The following RALGAPA1 variants were observed in gnomAD, a reference collection of about 807,000 sequenced individuals.
The protein encoded by RALGAPA1 is Ral GTPase activating protein catalytic subunit alpha 1, also known as ral GTPase-activating protein subunit alpha-1.
RALGAPA1 carries 52 observed loss-of-function variants against 269.6 expected under a neutral mutation model. That is an observed-to-expected ratio of 0.19 (90% CI 0.15 to 0.24). The LOEUF (loss-of-function observed/expected upper bound fraction) is 0.24, where lower values mean the gene tolerates loss of function less well. Ranked by LOEUF, RALGAPA1 falls within the 10% of genes least tolerant of loss-of-function variation. The pLI is 1.00. For synonymous variants in RALGAPA1, 817 were observed against 1,008.3 expected (o/e 0.81, Z 3.60); for missense variants, 1,917 against 3,013.9 (o/e 0.64, Z 8.52).
chr14:35,741,361 A>G (rs368026666), intron 11 of RALGAPA1, among the ~76,000 whole-genome samples: 2 of 152,104 alleles, frequency 1.3e-5, no homozygotes, highest in African/African-American at 4.8e-5. Flanking sequence ...TTCATAATTC[A>G]TATGGTTAAT....
In RALGAPA1 at chr14:35,672,945, T is replaced by C. The variant is rs757640948; in HGVS notation, c.4995A>G (p.Arg1665=). The C allele has an allele frequency of 6.3e-7, 1 of 1,575,152 alleles. No homozygotes were observed. The highest frequency in any genetic ancestry group is 2.3e-5 in the East Asian group (1 of 43,600). The change falls in exon 25 of 42, where the codon AGA becomes AGG. Residue 1665 remains arginine, a synonymous_variant. Coordinates refer to ENST00000680220, the MANE Select transcript of RALGAPA1 (RefSeq NM_001346249.2). ...YKLICNTMKR[R]QDVSPNRDFL... is the part of the protein sequence containing the mutation. ...AATCTCTATTTGGAGAAACATCTTGTCTTCTTTTCATTGTATTACAAATAA... is the reference window on the plus strand; with the variant it reads ...AATCTCTATTTGGAGAAACATCTTGCCTTCTTTTCATTGTATTACAAATAA...
intron 1 of RALGAPA1, among the ~76,000 whole-genome samples, chr14:35,801,244 GACACACACACACACACACACACACACAC>G (rs201700521): frequency 7.4e-6 from 1 of 135,016 alleles, no homozygotes; most frequent in Non-Finnish European, 1.7e-5. Context: ...TATATACACA[GACACACACACACACACACACACACACAC>G]ACACACACAC....
At chr14:35,697,534 G>C (rs2066999021) in intron 17 of RALGAPA1, among the ~76,000 whole-genome samples, 1 of 151,932 alleles carries the variant, frequency 6.6e-6, no homozygotes, top group African/African-American at 2.4e-5. Context: ...TTTTAGTAGA[G>C]ATGGGGTTTC....
intron 19 of RALGAPA1, 138 bp downstream of exon 19, chr14:35,686,404 T>C (rs1425751350): frequency 1.6e-6 from 1 of 614,796 alleles, no homozygotes; most frequent in Non-Finnish European, 2.5e-6. Context: ...TCTTAATTCA[T>C]AAAAAGGGTT....
intron 33 of RALGAPA1, among the ~76,000 whole-genome samples, chr14:35,631,194 G>A (rs1011852689): frequency 6.6e-6 from 1 of 152,082 alleles, no homozygotes; most frequent in East Asian, 1.9e-4. Context: ...AAATGGGTTC[G>A]CAAAGTTAAG....
intron 4 of RALGAPA1, among the ~76,000 whole-genome samples, chr14:35,769,080 T>G (rs547406387): frequency 1.1e-5 from 1 of 87,022 alleles, no homozygotes; most frequent in African/African-American, 4.4e-5. Flanking sequence ...ACACATAAAA[T>G]ATCAAAGACT....
chr14:35,555,835 C>A (rs1355046600), intron 39 of RALGAPA1, among the ~76,000 whole-genome samples: 1 of 152,128 alleles, frequency 6.6e-6, no homozygotes, highest in Non-Finnish European at 1.5e-5. Context: ...TCTCTACATC[C>A]AATCTCAATG....
intron 37 of RALGAPA1, among the ~76,000 whole-genome samples, chr14:35,590,850 C>T (rs1447245900): frequency 6.6e-6 from 1 of 152,104 alleles, no homozygotes; most frequent in African/African-American, 2.4e-5. Flanking sequence ...TATCAGGCAA[C>T]AGAGTATCAA....
At chr14:35,797,926 G>A (rs79147586) in intron 1 of RALGAPA1, among the ~76,000 whole-genome samples, 1 of 151,140 alleles carries the variant, frequency 6.6e-6, no homozygotes, top group African/African-American at 2.4e-5. Flanking sequence ...AGGCTAGAGT[G>A]CACTGACATG....
intron 17 of RALGAPA1, among the ~76,000 whole-genome samples, chr14:35,696,532 G>C (rs2066916029): frequency 6.6e-6 from 1 of 151,626 alleles, no homozygotes; most frequent in African/African-American, 2.4e-5. Flanking sequence ...GAACACTGGA[G>C]GAGGAAAAAT....
intron 39 of RALGAPA1, among the ~76,000 whole-genome samples, chr14:35,561,175 C>A (rs1037632251): frequency 7.9e-6 from 1 of 126,746 alleles, no homozygotes; most frequent in Non-Finnish European, 1.6e-5. Flanking sequence ...TGCAGTGAGC[C>A]GAGATGGCGC....
intron 39 of RALGAPA1, among the ~76,000 whole-genome samples, chr14:35,550,138 CTGT>C (rs1236773553): frequency 3.3e-5 from 5 of 152,316 alleles, no homozygotes; most frequent in Non-Finnish European, 7.4e-5. Context: ...GAGAATATTT[CTGT>C]TGTTCACGAA....
intron 33 of RALGAPA1, among the ~76,000 whole-genome samples, chr14:35,629,930 A>AATAAACAT (rs2061249025): frequency 6.6e-6 from 1 of 152,250 alleles, no homozygotes; most frequent in Non-Finnish European, 1.5e-5. Flanking sequence ...CTCATCAAAA[A>AATAAACAT]AGAATATTTT....
intron 1 of RALGAPA1, among the ~76,000 whole-genome samples, chr14:35,777,452 A>G (rs1479740982): frequency 1.3e-5 from 2 of 152,220 alleles, no homozygotes; most frequent in Non-Finnish European, 2.9e-5. Context: ...AGTGTAAGTG[A>G]GAATGCTGGT....
intron 37 of RALGAPA1, among the ~76,000 whole-genome samples, chr14:35,580,124 A>C (rs1387740523): frequency 1.3e-5 from 2 of 152,216 alleles, no homozygotes; most frequent in Non-Finnish European, 2.9e-5. Flanking sequence ...ATTTCAGAGG[A>C]AATGGACTTA....
At position 35,688,806 on chromosome 14, in the gene RALGAPA1, C is replaced by T. The variant is rs865806246; in HGVS notation, c.3605G>A (p.Ser1202Asn). The T allele has an allele frequency of 3.7e-5, 52 of 1,396,270 alleles. No homozygotes were observed. The highest frequency in any genetic ancestry group is 5.3e-4 in the Middle Eastern group (2 of 3,792). 86.5% of individuals were successfully genotyped at this position (1,396,270 alleles called of 1,614,324 possible). A position where few individuals can be genotyped will look rare whatever the true frequency, so the allele number is the denominator to read the frequency against. ...STSNTHTSTN[S>N]ATELVKPGVY... ...ACCAGGTTTTACTAGCTCTGTAGCA[C>T]TATTTGTGCTGGTATGGGTGTTGCT... is the stretch of plus-strand genomic sequence containing the variant. The change falls in exon 18 of 42, where the codon AGT (serine) becomes AAT (asparagine). Residue 1202 changes from serine to asparagine, a missense_variant. Ser to Asn is a conservative substitution (Grantham distance 46). Transcript: ENST00000680220.
intron 3 of RALGAPA1, among the ~76,000 whole-genome samples, chr14:35,772,423 G>A (rs538048642): frequency 7.2e-5 from 11 of 152,086 alleles, no homozygotes; most frequent in Non-Finnish European, 1.6e-4. Context: ...CCATTAATTG[G>A]TAATAAAATC....
At chr14:35,737,483 G>T (rs933209420) in intron 12 of RALGAPA1, among the ~76,000 whole-genome samples, 1 of 117,364 alleles carries the variant, frequency 8.5e-6, no homozygotes, top group African/African-American at 3.0e-5. Context: ...ACAGTTGGGC[G>T]TGGTGGCTCA....
At chr14:35,541,917 G>A in intron 41 of RALGAPA1, 1 of 643,728 alleles carries the variant, frequency 1.6e-6, no homozygotes, top group Non-Finnish European at 2.5e-6. Flanking sequence ...TAACTGAGGA[G>A]CAGAGAGAGA....
Sources: allele counts gnomAD v4.1 joint callset (sites outside exome capture counted in the v4.1 genomes callset), GRCh38; gene constraint gnomAD v4.1.1; transcripts MANE v1.5; gene names NCBI Gene and HGNC (gene_info 2026-07-23, HGNC 2026-07-21).